CEP89: variants seen among roughly 807,000 people sequenced by gnomAD.
CEP89 encodes the protein centrosomal protein of 89 kDa.
In CEP89, 95 loss-of-function variants were observed where a neutral mutation model predicts 97.6. The observed-to-expected ratio is 0.97, with a 90% CI of 0.82 to 1.15. CEP89 has a LOEUF of 1.15. Ranked by LOEUF, CEP89 falls within the 50% of genes most tolerant of loss-of-function variation. The pLI is 0.00. For synonymous variants in CEP89, 354 were observed against 349.1 expected, an observed-to-expected ratio of 1.01 and a Z score of -0.16; for missense variants, 869 against 947.7, an observed-to-expected ratio of 0.92 and a Z score of 1.09.
intron 14 of CEP89, among the ~76,000 whole-genome samples, chr19:32,913,719 A>T (rs1359032847): frequency 6.6e-6 from 1 of 150,692 alleles, no homozygotes; most frequent in African/African-American, 2.4e-5. Flanking sequence ...GCTCACTGCA[A>T]CCTCCGCCTC....
intron 16 of CEP89, among the ~76,000 whole-genome samples, chr19:32,894,077 A>G (rs900975121): frequency 6.6e-6 from 1 of 152,194 alleles, no homozygotes; most frequent in Non-Finnish European, 1.5e-5. Flanking sequence ...ACGTTCTTAT[A>G]GTCCCAGTGA....
intron 8 of CEP89, 89 bp downstream of exon 8, chr19:32,933,362 C>T (rs1970514439): frequency 1.0e-6 from 1 of 994,332 alleles, no homozygotes; most frequent in South Asian, 1.5e-5. Context: ...ATTACCAACA[C>T]AAATATCACA....
At chr19:32,951,965 T>C (rs932724389) in intron 4 of CEP89, among the ~76,000 whole-genome samples, 1 of 152,014 alleles carries the variant, frequency 6.6e-6, no homozygotes, top group Non-Finnish European at 1.5e-5. Flanking sequence ...AGCCGGCAAG[T>C]GTGCGGGTGA....
At chr19:32,888,660 G>A (rs1316941898) in intron 16 of CEP89, among the ~76,000 whole-genome samples, 1 of 150,288 alleles carries the variant, frequency 6.7e-6, no homozygotes, top group African/African-American at 2.5e-5. Context: ...TCCAGCCTGG[G>A]CAACATAGCG....
At chr19:32,938,433 T>C (rs1199093431) in intron 6 of CEP89, among the ~76,000 whole-genome samples, 2 of 152,118 alleles carry the variant, frequency 1.3e-5, no homozygotes, top group Non-Finnish European at 2.9e-5. Flanking sequence ...CAGTAAGATA[T>C]TGCTTCTCAA....
At chr19:32,942,070 A>G (rs1386338760) in intron 5 of CEP89, among the ~76,000 whole-genome samples, 1 of 152,162 alleles carries the variant, frequency 6.6e-6, no homozygotes, top group Non-Finnish European at 1.5e-5. Flanking sequence ...AGGGAGTTAC[A>G]TGAAATAGAA....
intron 5 of CEP89, among the ~76,000 whole-genome samples, chr19:32,944,146 G>A (rs557499303): frequency 4.8e-5 from 7 of 147,346 alleles, no homozygotes; most frequent in Non-Finnish European, 7.4e-5. Flanking sequence ...AGGATCAACT[G>A]AACCCAGGTT....
chr19:32,915,651 TGG>T, intron 13 of CEP89, 134 bp from the exon 14 acceptor site: 1 of 783,178 alleles, frequency 1.3e-6, no homozygotes, highest in Non-Finnish European at 2.0e-6. Context: ...CCAGACGTGG[TGG>T]CTCACACCTG....
At chr19:32,909,372 C>T (rs1461186387) in intron 14 of CEP89, among the ~76,000 whole-genome samples, 1 of 152,154 alleles carries the variant, frequency 6.6e-6, no homozygotes, top group Admixed American at 6.5e-5. Flanking sequence ...CAGGGAGATG[C>T]CTGCACAGGG....
intron 15 of CEP89, among the ~76,000 whole-genome samples, chr19:32,901,029 G>A (rs969792924): frequency 2.0e-5 from 3 of 151,944 alleles, no homozygotes; most frequent in Non-Finnish European, 4.4e-5. Context: ...GGGACTACAG[G>A]TGCGTGCCAC....
At chr19:32,952,545 G>A (rs1003478135) in intron 4 of CEP89, among the ~76,000 whole-genome samples, 2 of 151,758 alleles carry the variant, frequency 1.3e-5, no homozygotes, top group Non-Finnish European at 2.9e-5. Flanking sequence ...CAATACCGGT[G>A]TAGCTTAATG....
chr19:32,956,522 G>T lies in CEP89; in HGVS notation c.306-2721C>A, dbSNP rs144469500. Among the ~76,000 whole-genome samples the T allele has an allele frequency of 7.9e-5, 12 of 151,782 alleles. No individual in the cohort carries two copies. In the East Asian group the frequency reaches 2.3e-3, roughly 30 times the overall value. On this transcript the variant is annotated intron_variant, in intron 3 of 18. Coordinates refer to ENST00000305768, the MANE Select transcript of CEP89 (RefSeq NM_032816.5). ...TGGGACTACAGGTGAGCAACACCAT[G>T]CCAGGATGATTTTTGTATTTTTTTG...
intron 12 of CEP89, among the ~76,000 whole-genome samples, chr19:32,922,436 G>A (rs1185818267): frequency 6.6e-6 from 1 of 152,172 alleles, no homozygotes; most frequent in Non-Finnish European, 1.5e-5. Context: ...CCAGCTACTT[G>A]GGAGGCTGAG....
chr19:32,914,592 G>A (rs964855317), intron 14 of CEP89, among the ~76,000 whole-genome samples: 1 of 151,868 alleles, frequency 6.6e-6, no homozygotes, highest in African/African-American at 2.4e-5. Flanking sequence ...ATTTTAAATT[G>A]CCTTTGGTTC....
At chr19:32,889,793 ATC>A (rs1362154215) in intron 16 of CEP89, among the ~76,000 whole-genome samples, 2 of 152,136 alleles carry the variant, frequency 1.3e-5, no homozygotes, top group African/African-American at 2.4e-5. Context: ...TTCCCAGGAA[ATC>A]TCTGGATGAA....
chr19:32,952,082 A>G (rs1434790373), intron 4 of CEP89, among the ~76,000 whole-genome samples: 1 of 152,174 alleles, frequency 6.6e-6, no homozygotes, highest in Non-Finnish European at 1.5e-5. Flanking sequence ...TGCTATGAGA[A>G]GCCTAATTCT....
At chr19:32,929,897 A>G (rs1970435383) in intron 9 of CEP89, among the ~76,000 whole-genome samples, 1 of 152,252 alleles carries the variant, frequency 6.6e-6, no homozygotes, top group Non-Finnish European at 1.5e-5. Flanking sequence ...TGAAATGTTC[A>G]GAACAGACAA....
chr19:32,956,376 GT>G (rs1029267244), intron 3 of CEP89, among the ~76,000 whole-genome samples: 67 of 141,740 alleles, frequency 4.7e-4, no homozygotes, highest in Non-Finnish European at 6.1e-4. Context: ...TTTTATTTTT[GT>G]TTTTTTTTTT....
chr19:32,940,121 CT>C (rs1352357680), intron 5 of CEP89, among the ~76,000 whole-genome samples: 3 of 152,162 alleles, frequency 2.0e-5, no homozygotes. Context: ...GCTCACGTGG[CT>C]GCAGAACCAA....
Sources: gnomAD v4.1 joint callset for allele counts (sites outside exome capture counted in the v4.1 genomes callset) on GRCh38, gnomAD v4.1.1 for gene constraint, MANE v1.5 for transcripts, NCBI Gene and HGNC (gene_info 2026-07-23, HGNC 2026-07-21) for gene names.